Variants in ROR2 observed in about 807,000 individuals in gnomAD.
ROR2 encodes the protein tyrosine-protein kinase transmembrane receptor ROR2.
A neutral mutation model predicts 74.9 loss-of-function variants in ROR2; 33 were observed. That is an observed-to-expected ratio of 0.44 (90% CI 0.33 to 0.59). The LOEUF (loss-of-function observed/expected upper bound fraction) is 0.59, where lower values mean the gene tolerates loss of function less well. Ranked by LOEUF, ROR2 falls within the 20% of genes least tolerant of loss-of-function variation. The pLI is 0.02. For synonymous variants in ROR2, 586 were observed against 558.7 expected (o/e 1.05, Z -0.69); for missense variants, 1,216 against 1,313.8 (o/e 0.93, Z 1.15).
intron 1 of ROR2, among the ~76,000 whole-genome samples, chr9:91,851,761 G>A (rs149914354): frequency 4.2e-4 from 64 of 152,220 alleles, no homozygotes; most frequent in Admixed American, 1.0e-3. Context: ...CAGATCATGA[G>A]GTCAGTAGTT....
chr9:91,932,081 A>T (rs982809877), intron 1 of ROR2, among the ~76,000 whole-genome samples: 1 of 152,230 alleles, frequency 6.6e-6, no homozygotes, highest in African/African-American at 2.4e-5. Flanking sequence ...GCTGCTTTTC[A>T]AATCTTTGAT....
chr9:91,725,285 C>T (rs1216314224), intron 8 of ROR2, among the ~76,000 whole-genome samples, 178 bp from the exon 9 acceptor site: 1 of 152,164 alleles, frequency 6.6e-6, no homozygotes, highest in Non-Finnish European at 1.5e-5. Flanking sequence ...TCTAGTTAAC[C>T]TTAAATACGG....
At chr9:91,770,357 C>T (rs1470491407) in intron 2 of ROR2, among the ~76,000 whole-genome samples, 3 of 152,234 alleles carry the variant, frequency 2.0e-5, no homozygotes, top group African/African-American at 7.2e-5. Flanking sequence ...TACCCTGGCT[C>T]GCCTGCTGGC....
rs552714728 is a variant in ROR2, at chr9:91,724,290, C to T, written c.2204G>A (p.Arg735Gln). 61 of 1,613,152 alleles carry T rather than the reference C, an allele frequency of 3.8e-5. No individual in the cohort carries two copies. The highest frequency in any genetic ancestry group is 2.4e-4 in the South Asian group (22 of 91,090). The change falls in exon 9 of 9, where the codon CGG becomes CAG. Residue 735 changes from arginine (R) to glutamine (Q), a missense_variant. Transcript: ENST00000375708. Reference protein sequence around the residue: ...MIECWNEFPSRRPRFKDIHSR... With the variant: ...MIECWNEFPSQRPRFKDIHSR... ...GTGGATGTCCTTGAAGCGGGGCCGCCGGCTGGGGAACTCGTTCCAGCACTC... is the reference window on the plus strand; with the variant it reads ...GTGGATGTCCTTGAAGCGGGGCCGCTGGCTGGGGAACTCGTTCCAGCACTC...
At chr9:91,935,464 G>A (rs143665149) in intron 1 of ROR2, among the ~76,000 whole-genome samples, 67 of 152,330 alleles carry the variant, frequency 4.4e-4, no homozygotes, top group Middle Eastern at 3.4e-3. Context: ...AGCCTCCCCA[G>A]GAGACCAGGG....
At chr9:91,934,808 A>G (rs117451286) in intron 1 of ROR2, among the ~76,000 whole-genome samples, 4,629 of 152,302 alleles carry the variant, frequency 0.03, 107 homozygotes, top group Non-Finnish European at 0.048. Context: ...AAACATATAC[A>G]ACACTTCACT....
intron 1 of ROR2, among the ~76,000 whole-genome samples, chr9:91,837,586 G>C (rs1828647484): frequency 6.6e-6 from 1 of 152,152 alleles, no homozygotes; most frequent in African/African-American, 2.4e-5. Context: ...GATCTTAAGG[G>C]GCTTGGGGAA....
At chr9:91,799,844 G>A (rs1827314167) in intron 1 of ROR2, among the ~76,000 whole-genome samples, 1 of 152,190 alleles carries the variant, frequency 6.6e-6, no homozygotes, top group South Asian at 2.1e-4. Context: ...CTCAGCAGGG[G>A]CCATGGCTCC....
At chr9:91,858,806 A>G (rs184838858) in intron 1 of ROR2, among the ~76,000 whole-genome samples, 4 of 152,184 alleles carry the variant, frequency 2.6e-5, no homozygotes, top group Non-Finnish European at 2.9e-5. Context: ...CTCCACAAGG[A>G]CCCGTGAGGC....
intron 1 of ROR2, among the ~76,000 whole-genome samples, chr9:91,930,652 T>A (rs180728941): frequency 1.3e-5 from 2 of 152,286 alleles, no homozygotes; most frequent in East Asian, 3.9e-4. Context: ...AGTGAGTTCA[T>A]CATGGGGGCA....
chr9:91,810,855 A>G (rs993354654), intron 1 of ROR2, among the ~76,000 whole-genome samples: 17 of 152,232 alleles, frequency 1.1e-4, no homozygotes, highest in African/African-American at 3.9e-4. Context: ...TGTGAGGAAG[A>G]CAGACCCAGA....
chr9:91,731,685 C>T (rs945488240), intron 6 of ROR2, among the ~76,000 whole-genome samples: 8 of 152,104 alleles, frequency 5.3e-5, no homozygotes, highest in Non-Finnish European at 7.4e-5. Context: ...GCTAACAAGG[C>T]GGGTGGATCA....
chr9:91,817,168 G>A (rs912818178), intron 1 of ROR2, among the ~76,000 whole-genome samples: 19 of 152,164 alleles, frequency 1.2e-4, no homozygotes, highest in African/African-American at 4.6e-4. Flanking sequence ...GTGCTGGTGA[G>A]GCGGTTGGCT....
At chr9:91,844,564 T>C (rs746238184) in intron 1 of ROR2, among the ~76,000 whole-genome samples, 1 of 152,200 alleles carries the variant, frequency 6.6e-6, no homozygotes. Context: ...AAATCTGAAA[T>C]CCACTGTACG....
intron 1 of ROR2, among the ~76,000 whole-genome samples, chr9:91,846,305 A>C (rs6479375): frequency 0.4 from 60,723 of 152,116 alleles, 14,170 homozygotes; most frequent in African/African-American, 0.63. Flanking sequence ...CAAGGTTAAA[A>C]GGGACAAAAG....
Position 91,724,359 on chromosome 9 carries a change from G to A in ROR2, c.2135C>T (p.Pro712Leu). Residue 712 changes from proline to leucine, a missense_variant, in exon 9 of 9, where the codon CCT (proline) becomes CTT (leucine). Coordinates refer to ENST00000375708, the MANE Select transcript of ROR2 (RefSeq NM_004560.4). ...CCAGGCGGGACAGTCATCGGGGCAA[G>A]GCAGCACCTGCCGGTTCCGGATCAT... ...VEMIRNRQVL[P>L]CPDDCPAWVY... 3.1e-6 allele frequency: 5 copies of A among 1,613,852 alleles called. No individual in the cohort carries two copies. Among genetic ancestry groups the A allele is most frequent in the Non-Finnish European group, 4.2e-6 (5 of 1,180,030 alleles).
At chr9:91,776,388 C>G (rs1245826517) in intron 1 of ROR2, among the ~76,000 whole-genome samples, 1 of 152,174 alleles carries the variant, frequency 6.6e-6, no homozygotes, top group Non-Finnish European at 1.5e-5. Context: ...ATTTACCCGT[C>G]CCCAAAAGCC....
In ROR2 at chr9:91,769,206, G is replaced by T. The variant is rs146548232; in HGVS notation, c.175+6535C>A. On this transcript the variant is annotated intron_variant, in intron 2 of 8. Transcript: ENST00000375708. ...ATGTCATCCTGGAGCTTCTCTTTGCGCCCACAAAATGTACCCCTAGCAATC... is the reference window on the plus strand; with the variant it reads ...ATGTCATCCTGGAGCTTCTCTTTGCTCCCACAAAATGTACCCCTAGCAATC... 2.4e-4 allele frequency among the ~76,000 whole-genome samples: 36 copies of T among 152,054 alleles called. 1 individual carries two copies. The East Asian group carries it at 6.0e-3, about 25-fold the overall frequency.
intron 1 of ROR2, among the ~76,000 whole-genome samples, chr9:91,841,521 T>G (rs1786634896): frequency 6.6e-6 from 1 of 152,256 alleles, no homozygotes; most frequent in Non-Finnish European, 1.5e-5. Context: ...AAGATTATTT[T>G]TATTGGTTTA....
Sources: allele counts gnomAD v4.1 joint callset (sites outside exome capture counted in the v4.1 genomes callset), GRCh38; gene constraint gnomAD v4.1.1; transcripts MANE v1.5; gene names NCBI Gene and HGNC (gene_info 2026-07-23, HGNC 2026-07-21).